The following TRPS1 variants were observed in gnomAD, a reference collection of about 807,000 sequenced individuals.
TRPS1 encodes the protein transcriptional repressor GATA binding 1.
TRPS1 carries 6 observed loss-of-function variants against 101.2 expected under a neutral mutation model. The ratio of observed to expected loss-of-function variants is 0.06; its 90% confidence interval spans 0.03 to 0.12. TRPS1 has a LOEUF of 0.12. TRPS1 is among the 10% of genes least tolerant of loss of function. The pLI is 1.00. For missense variants in TRPS1, 1,363 were observed against 1,567.0 expected (o/e 0.87, Z 2.20); for synonymous variants, 578 against 589.8 (o/e 0.98, Z 0.29).
intron 5 of TRPS1, among the ~76,000 whole-genome samples, chr8:115,473,257 TG>T (rs149834537): frequency 0.021 from 3,245 of 152,232 alleles, 120 homozygotes; most frequent in African/African-American, 0.069. Context: ...ATAATCCTGG[TG>T]GAAGGGGAAG....
chr8:115,451,262 T>A (rs921425396), intron 5 of TRPS1, among the ~76,000 whole-genome samples: 3 of 152,206 alleles, frequency 2.0e-5, no homozygotes, highest in African/African-American at 7.2e-5. Context: ...AATGTGGCTA[T>A]ATACACACAA....
chr8:115,430,471 A>T (rs1277814029), intron 5 of TRPS1, among the ~76,000 whole-genome samples: 1 of 151,938 alleles, frequency 6.6e-6, no homozygotes, highest in South Asian at 2.1e-4. Context: ...GTGTGTACAC[A>T]TACAAGCATT....
At chr8:115,664,335 A>G (rs903728233) in intron 1 of TRPS1, among the ~76,000 whole-genome samples, 7 of 152,116 alleles carry the variant, frequency 4.6e-5, no homozygotes, top group African/African-American at 1.7e-4. Flanking sequence ...AGCACTCTTA[A>G]ACAATTAGAT....
At chr8:115,654,792 A>C (rs1586499521) in intron 1 of TRPS1, among the ~76,000 whole-genome samples, 1 of 152,204 alleles carries the variant, frequency 6.6e-6, no homozygotes, top group African/African-American at 2.4e-5. Flanking sequence ...TAATTCTTTA[A>C]CTTTCTGTGA....
chr8:115,436,398 T>A (rs1225730058), intron 5 of TRPS1, among the ~76,000 whole-genome samples: 1 of 152,166 alleles, frequency 6.6e-6, no homozygotes, highest in Non-Finnish European at 1.5e-5. Context: ...AAATACTAAG[T>A]GCACTTTCTT....
At chr8:115,467,679 TA>T (rs1483183042) in intron 5 of TRPS1, among the ~76,000 whole-genome samples, 1 of 152,126 alleles carries the variant, frequency 6.6e-6, no homozygotes, top group Non-Finnish European at 1.5e-5. Flanking sequence ...TAGCAAGCTA[TA>T]AAGTCACTAA....
intron 5 of TRPS1, among the ~76,000 whole-genome samples, chr8:115,460,251 C>T (rs1180647): frequency 0.4 from 60,554 of 151,738 alleles, 12,459 homozygotes; most frequent in Non-Finnish European, 0.44. Context: ...AGATTGCAGA[C>T]TGAAAAAGTT....
chr8:115,479,354 T>A (rs1210821675), intron 5 of TRPS1, among the ~76,000 whole-genome samples: 1 of 152,156 alleles, frequency 6.6e-6, no homozygotes, highest in African/African-American at 2.4e-5. Context: ...AAAGATTACT[T>A]TGAGTTGGAA....
At chr8:115,535,225 T>C (rs778393846) in intron 5 of TRPS1, among the ~76,000 whole-genome samples, 20 of 69,718 alleles carry the variant, frequency 2.9e-4, no homozygotes, top group Admixed American at 9.1e-4. Context: ...ATATATAGCA[T>C]ATATATATAG....
intron 5 of TRPS1, among the ~76,000 whole-genome samples, chr8:115,557,011 T>C (rs932858668): frequency 5.3e-5 from 8 of 152,300 alleles, no homozygotes; most frequent in Admixed American, 2.6e-4. Flanking sequence ...CAATTCCACA[T>C]GGCTGAAGAG....
rs1014355729 is a variant in TRPS1 at position 115,411,773 on chromosome 8, C to T, written c.*2250G>A. 6.6e-6 allele frequency: 1 copy of T among 152,242 alleles called. No individual in the cohort carries two copies. Among genetic ancestry groups the T allele is most frequent in the African/African-American group, 2.4e-5 (1 of 41,438 alleles). The allele number at this position is 152,242 out of a possible 1,614,324, so 9.4% of individuals were successfully genotyped here. A position where few individuals can be genotyped will look rare whatever the true frequency, so the allele number is the denominator to read the frequency against. ...GAAGCAGAGGACTTAGTCCTGATTT[C>T]TGTCTCTTGCTTTCTCTTTTCTCTT... On this transcript the variant is annotated 3_prime_UTR_variant, in exon 7 of 7. Transcript: ENST00000395715.
At chr8:115,499,915 A>ATTAATTTC (rs1815259020) in intron 5 of TRPS1, among the ~76,000 whole-genome samples, 1 of 134,772 alleles carries the variant, frequency 7.4e-6, no homozygotes, top group African/African-American at 3.0e-5. Flanking sequence ...AAAGTGCTAA[A>ATTAATTTC]TTTCTTTCTT....
At chr8:115,443,856 T>C (rs1813666961) in intron 5 of TRPS1, among the ~76,000 whole-genome samples, 2 of 152,176 alleles carry the variant, frequency 1.3e-5, no homozygotes, top group Admixed American at 6.5e-5. Context: ...ACACCAACAT[T>C]TGGATGAGCA....
chr8:115,514,596 T>G (rs1440247205), intron 5 of TRPS1, among the ~76,000 whole-genome samples: 3 of 151,688 alleles, frequency 2.0e-5, no homozygotes, highest in East Asian at 1.9e-4. Context: ...TTTTAAAAAT[T>G]TCCTTGAATT....
rs116224561 is a variant in TRPS1 at position 115,481,441 on chromosome 8, T to C, written c.2701-62989A>G. 2.7e-3 allele frequency among the ~76,000 whole-genome samples: 414 copies of C among 151,904 alleles called. 4 individuals are homozygous for C. The highest frequency in any genetic ancestry group is 9.6e-3 in the African/African-American group (396 of 41,360). ...CAACAAAACCCATACAGAGTAATTA[T>C]ATTTTTTACTTGTCCTTAACTATCA... On this transcript the variant is annotated intron_variant, in intron 5 of 6. Coordinates refer to ENST00000395715, the MANE Select transcript of TRPS1 (RefSeq NM_014112.5).
chr8:115,535,419 CAT>C (rs749784862), intron 5 of TRPS1, among the ~76,000 whole-genome samples: 8 of 132,604 alleles, frequency 6.0e-5, no homozygotes, highest in Non-Finnish European at 1.0e-4. Flanking sequence ...ATATATAGTG[CAT>C]ATATATAGTG....
In TRPS1 at chr8:115,604,291, G is replaced by A. The variant is rs1478232986; in HGVS notation, c.1678C>T (p.Leu560Phe). Residue 560 changes from leucine (L) to phenylalanine (F), a missense_variant, in exon 4 of 7, where the codon CTC (leucine) becomes TTC (phenylalanine). Physicochemically the swap from Leu to Phe is conservative, Grantham distance 22 (BLOSUM62 0). Coordinates refer to ENST00000395715, the MANE Select transcript of TRPS1 (RefSeq NM_014112.5). The surrounding 1 kb of genome is among the most constrained non-coding windows in gnomAD (Gnocchi z 4.1). ...GPDVIVVGPL[L>F]RHYQQLHNIH... The stretch of plus-strand genomic sequence containing the variant: ...TTATGGAGCTGTTGATAATGACGGA[G>A]AAGTGGCCCCACTACAATTACATCA... 9 of 1,614,140 alleles carry A rather than the reference G, an allele frequency of 5.6e-6. No individual in the cohort carries two copies. Among genetic ancestry groups the A allele is most frequent in the Non-Finnish European group, 7.6e-6 (9 of 1,180,024 alleles).
chr8:115,414,052 C>T lies in TRPS1; in HGVS notation c.3856G>A (p.Val1286Met). 1 of 1,613,412 alleles carries T rather than the reference C, an allele frequency of 6.2e-7. No individual in the cohort carries two copies. Among genetic ancestry groups the T allele is most frequent in the South Asian group, 1.1e-5 (1 of 90,990 alleles). Reference sequence around the variant, plus strand: ...TCTTTAGGTTTTCCATTTTTTTCCACTTGTGCATTGTTCCTATGCAGGCCC... The same window carrying T: ...TCTTTAGGTTTTCCATTTTTTTCCATTTGTGCATTGTTCCTATGCAGGCCC... Reference protein sequence around the residue: ...QRGLHRNNAQVEKNGKPKE With the variant: ...QRGLHRNNAQMEKNGKPKE Residue 1286 changes from valine (V) to methionine (M), a missense_variant, in exon 7 of 7, where the codon GTG becomes ATG. Physicochemically the swap from Val to Met is conservative, Grantham distance 21. Coordinates refer to ENST00000395715, the MANE Select transcript of TRPS1 (RefSeq NM_014112.5). The surrounding 1 kb of genome is among the most constrained non-coding windows in gnomAD (Gnocchi z 4.8).
At chr8:115,490,810 G>C (rs917448824) in intron 5 of TRPS1, among the ~76,000 whole-genome samples, 22 of 152,120 alleles carry the variant, frequency 1.4e-4, no homozygotes, top group Admixed American at 6.5e-4. Flanking sequence ...AATTTTGGAG[G>C]CTGGTTTATT....
Sources: gnomAD v4.1 joint callset for allele counts (sites outside exome capture counted in the v4.1 genomes callset) on GRCh38, gnomAD v4.1.1 for gene constraint, Gnocchi (gnomAD v3.1) non-coding constraint, MANE v1.5 for transcripts, NCBI Gene and HGNC (gene_info 2026-07-23, HGNC 2026-07-21) for gene names.